NCKAP5: variants seen among roughly 807,000 people sequenced by gnomAD.
NCKAP5 encodes nck-associated protein 5.
NCKAP5 carries 92 observed loss-of-function variants against 167.0 expected under a neutral mutation model. That is an observed-to-expected ratio of 0.55 (90% confidence interval 0.47 to 0.66). The LOEUF (loss-of-function observed/expected upper bound fraction) is 0.66, where lower values mean the gene tolerates loss of function less well. Among genes scored for constraint, NCKAP5 ranks in the 30% least tolerant of loss-of-function variants. The pLI, the probability that NCKAP5 is intolerant of heterozygous loss-of-function variation, is 0.00. For missense variants in NCKAP5, 2,378 were observed against 2,315.0 expected, an observed-to-expected ratio of 1.03 and a Z score of -0.56; for synonymous variants, 891 against 877.4, an observed-to-expected ratio of 1.02 and a Z score of -0.27.
intron 3 of NCKAP5, among the ~76,000 whole-genome samples, chr2:133,428,808 C>A (rs1176922244): frequency 6.6e-6 from 1 of 152,014 alleles, no homozygotes; most frequent in Non-Finnish European, 1.5e-5. Flanking sequence ...TATAGTCAGT[C>A]AACTACAAAT....
At chr2:132,897,616 T>C (rs1693304927) in intron 8 of NCKAP5, among the ~76,000 whole-genome samples, 1 of 152,112 alleles carries the variant, frequency 6.6e-6, no homozygotes, top group Non-Finnish European at 1.5e-5. Context: ...AGACATACCT[T>C]GGGGAGAGAC....
chr2:133,216,634 T>A (rs2086440841), intron 4 of NCKAP5, among the ~76,000 whole-genome samples: 2 of 152,086 alleles, frequency 1.3e-5, no homozygotes, highest in Non-Finnish European at 2.9e-5. Context: ...AATTTACTAT[T>A]TAGTGAAAAA....
chr2:133,405,166 C>A (rs1411925256), intron 3 of NCKAP5, among the ~76,000 whole-genome samples: 3 of 152,178 alleles, frequency 2.0e-5, no homozygotes, highest in African/African-American at 4.8e-5. Context: ...TTTCTCTGAG[C>A]CTAGGGTCAC....
chr2:133,475,992 C>A (rs1398669733), intron 3 of NCKAP5, among the ~76,000 whole-genome samples: 1 of 152,116 alleles, frequency 6.6e-6, no homozygotes, highest in Admixed American at 6.5e-5. Flanking sequence ...AACAAAAAAT[C>A]AGTTCTGTAC....
At chr2:133,602,755 A>G in the NCKAP5 span, among the ~76,000 whole-genome samples, 1 of 152,212 alleles carries the variant, frequency 6.6e-6, no homozygotes, top group African/African-American at 2.4e-5. Context: ...CCTGCTGGCC[A>G]TGGTTTGTCA....
intron 5 of NCKAP5, among the ~76,000 whole-genome samples, chr2:133,183,521 C>T (rs903892074): frequency 6.6e-6 from 1 of 152,096 alleles, no homozygotes; most frequent in African/African-American, 2.4e-5. Context: ...AACTTCAGCC[C>T]ATTCATGATG....
the NCKAP5 span, among the ~76,000 whole-genome samples, chr2:133,649,698 A>T: frequency 6.6e-6 from 1 of 152,164 alleles, no homozygotes; most frequent in South Asian, 2.1e-4. Flanking sequence ...CCTCTTAATG[A>T]TAAAACCTCT....
intron 3 of NCKAP5, among the ~76,000 whole-genome samples, chr2:133,409,214 A>T (rs951653319): frequency 6.6e-6 from 1 of 152,218 alleles, no homozygotes; most frequent in Non-Finnish European, 1.5e-5. Context: ...ATATGTGAAC[A>T]TTTATTAAAT....
chr2:133,525,081 A>G (rs1364709836), intron 2 of NCKAP5, among the ~76,000 whole-genome samples: 2 of 152,218 alleles, frequency 1.3e-5, no homozygotes, highest in Non-Finnish European at 2.9e-5. Flanking sequence ...ATGCCAAATG[A>G]TGTAATTTTC....
intron 1 of NCKAP5, among the ~76,000 whole-genome samples, chr2:133,567,516 A>C (rs967674509): frequency 6.6e-6 from 1 of 152,224 alleles, no homozygotes; most frequent in Admixed American, 6.5e-5. Flanking sequence ...TCAGTAGTAC[A>C]TTAACTTGGG....
In NCKAP5 at chr2:133,507,630, G is replaced by A. The variant is rs143430778; in HGVS notation, c.69+9828C>T. Among the ~76,000 whole-genome samples, 211 of 152,330 alleles carry A rather than the reference G, an allele frequency of 1.4e-3. 1 individual carries two copies. Among genetic ancestry groups the A allele is most frequent in the African/African-American group, 4.8e-3 (198 of 41,566 alleles). ...TAGGATTCCATGTTAGGAGAGAATTGCAAAATTAGTGTATAAAAGGACAGA... is the reference window on the plus strand; with the variant it reads ...TAGGATTCCATGTTAGGAGAGAATTACAAAATTAGTGTATAAAAGGACAGA... On this transcript the variant is annotated intron_variant, in intron 3 of 19. Transcript: ENST00000409261.
the NCKAP5 span, among the ~76,000 whole-genome samples, chr2:133,673,324 C>T: frequency 6.6e-6 from 1 of 152,204 alleles, no homozygotes; most frequent in Admixed American, 6.5e-5. Flanking sequence ...GAAATAGTTG[C>T]ATTGGACAGG....
chr2:132,940,022 C>A (rs1697173734), intron 8 of NCKAP5, among the ~76,000 whole-genome samples: 3 of 152,044 alleles, frequency 2.0e-5, no homozygotes, highest in Admixed American at 1.3e-4. Flanking sequence ...ACATAGTAGT[C>A]TTTTATCCCT....
intron 4 of NCKAP5, among the ~76,000 whole-genome samples, chr2:133,297,314 A>T (rs1259621179): frequency 6.6e-6 from 1 of 152,110 alleles, no homozygotes; most frequent in Non-Finnish European, 1.5e-5. Context: ...TCTTTAGATG[A>T]ATTCTCAGTT....
At chr2:132,811,815 A>G (rs1471385201) in intron 11 of NCKAP5, among the ~76,000 whole-genome samples, 1 of 152,044 alleles carries the variant, frequency 6.6e-6, no homozygotes, top group African/African-American at 2.4e-5. Flanking sequence ...AAATTGTTAC[A>G]AAGTTCAGCG....
At chr2:133,053,612 T>C (rs749527809) in intron 6 of NCKAP5, among the ~76,000 whole-genome samples, 4 of 152,242 alleles carry the variant, frequency 2.6e-5, no homozygotes, top group Non-Finnish European at 5.9e-5. Context: ...TGCATGGCCA[T>C]GCAAATCAGC....
At chr2:133,317,473 A>G (rs1233033516) in intron 3 of NCKAP5, among the ~76,000 whole-genome samples, 1 of 152,120 alleles carries the variant, frequency 6.6e-6, no homozygotes, top group Non-Finnish European at 1.5e-5. Flanking sequence ...AGGTAGAGCC[A>G]TGAGGCTGGG....
chr2:133,520,266 C>T (rs1242985497), intron 2 of NCKAP5, among the ~76,000 whole-genome samples: 4 of 152,048 alleles, frequency 2.6e-5, no homozygotes, highest in East Asian at 3.9e-4. Flanking sequence ...GAAGAGAATG[C>T]GTGAAAAAAG....
intron 3 of NCKAP5, among the ~76,000 whole-genome samples, chr2:133,365,578 A>C (rs148221749): frequency 5.8e-4 from 89 of 152,214 alleles, no homozygotes; most frequent in African/African-American, 2.0e-3. Context: ...ATTCTATATT[A>C]AGATTGAAAG....
Sources: gnomAD v4.1 joint callset for allele counts (sites outside exome capture counted in the v4.1 genomes callset) on GRCh38, gnomAD v4.1.1 for gene constraint, MANE v1.5 for transcripts, NCBI Gene and HGNC (gene_info 2026-07-23, HGNC 2026-07-21) for gene names.